The following CERS6 variants were observed in gnomAD, a reference collection of about 807,000 sequenced individuals.
The protein encoded by CERS6 is LAG1 homolog, ceramide synthase 6.
In CERS6, 26 loss-of-function variants were observed where a neutral mutation model predicts 56.8. That is an observed-to-expected ratio of 0.46 (90% CI 0.34 to 0.63). The LOEUF is 0.63. Among genes scored for constraint, CERS6 ranks in the 30% least tolerant of loss-of-function variants. The pLI, the probability that CERS6 is intolerant of heterozygous loss-of-function variation, is 0.01. For synonymous variants in CERS6, 164 were observed against 173.3 expected, an observed-to-expected ratio of 0.95 and a Z score of 0.42; for missense variants, 415 against 467.5, an observed-to-expected ratio of 0.89 and a Z score of 1.04.
intron 6 of CERS6, among the ~76,000 whole-genome samples, chr2:168,698,255 G>GAAAAAAAAAAA (rs869056813): frequency 2.2e-4 from 4 of 17,952 alleles, no homozygotes; most frequent in South Asian, 4.1e-3. Flanking sequence ...AAAAAAAAAA[G>GAAAAAAAAAAA]AAAAAAAAAA....
At chr2:168,595,929 A>G (rs1471241199) in intron 3 of CERS6, among the ~76,000 whole-genome samples, 1 of 152,084 alleles carries the variant, frequency 6.6e-6, no homozygotes, top group Non-Finnish European at 1.5e-5. Context: ...TGTAAAGGAA[A>G]GGTGCCCAAA....
chr2:168,652,632 A>G (rs1391726986), intron 4 of CERS6, among the ~76,000 whole-genome samples: 2 of 150,828 alleles, frequency 1.3e-5, no homozygotes, highest in South Asian at 4.2e-4. Flanking sequence ...ACCTTTCCTT[A>G]TATTACTTGT....
intron 1 of CERS6, among the ~76,000 whole-genome samples, chr2:168,538,241 C>CAAA (rs59857969): frequency 1.4e-4 from 14 of 98,832 alleles, no homozygotes; most frequent in African/African-American, 5.3e-4. Context: ...GTGTAAAAAC[C>CAAA]AAAAAAAAAA....
chr2:168,520,626 T>C (rs1026275576), intron 1 of CERS6, among the ~76,000 whole-genome samples: 1 of 93,230 alleles, frequency 1.1e-5, no homozygotes, highest in African/African-American at 3.9e-5. Flanking sequence ...TTTTTTTTTT[T>C]TGAGAAGCAG....
chr2:168,685,935 G>C (rs1256685606), intron 4 of CERS6, among the ~76,000 whole-genome samples: 12 of 151,488 alleles, frequency 7.9e-5, no homozygotes, highest in Admixed American at 2.0e-4. Flanking sequence ...CTGTGATATG[G>C]CCTGTCTTAG....
chr2:168,632,374 G>A (rs1414222602), intron 4 of CERS6, among the ~76,000 whole-genome samples: 1 of 152,024 alleles, frequency 6.6e-6, no homozygotes, highest in African/African-American at 2.4e-5. Flanking sequence ...TTAAAATCTG[G>A]GTTATCAAAT....
intron 3 of CERS6, among the ~76,000 whole-genome samples, chr2:168,570,242 GA>G (rs1437663532): frequency 6.6e-6 from 1 of 152,152 alleles, no homozygotes; most frequent in Non-Finnish European, 1.5e-5. Flanking sequence ...TCACGCACAA[GA>G]AAAAGATGAA....
intron 1 of CERS6, among the ~76,000 whole-genome samples, chr2:168,505,847 T>G (rs1357900730): frequency 1.3e-5 from 2 of 152,206 alleles, no homozygotes; most frequent in African/African-American, 4.8e-5. Context: ...AGGAGCTGTT[T>G]TTTGTATTTA....
rs191106658 is a variant in CERS6 at position 168,761,009 on chromosome 2, G to A, written c.846-4583G>A. Among the ~76,000 whole-genome samples the A allele has an allele frequency of 3.2e-3, 485 of 152,078 alleles. 2 individuals carry two copies. The highest frequency in any genetic ancestry group is 0.011 in the African/African-American group (452 of 41,462). On this transcript the variant is annotated intron_variant, in intron 8 of 9. Coordinates refer to ENST00000305747, the MANE Select transcript of CERS6 (RefSeq NM_203463.3). Reference sequence around the variant, plus strand: ...CCTGACCTCGTGATCCGCCCGCCTCGGCCTCCCAAAGTGCTGGGATTATAG... The same window carrying A: ...CCTGACCTCGTGATCCGCCCGCCTCAGCCTCCCAAAGTGCTGGGATTATAG...
chr2:168,468,572 A>T (rs555425971), intron 1 of CERS6, among the ~76,000 whole-genome samples: 1 of 152,330 alleles, frequency 6.6e-6, no homozygotes, highest in South Asian at 2.1e-4. Flanking sequence ...TAGCTCAGTG[A>T]AATAGTGATT....
At chr2:168,557,751 G>A (rs115418907) in intron 2 of CERS6, among the ~76,000 whole-genome samples, 189 of 152,242 alleles carry the variant, frequency 1.2e-3, no homozygotes, top group African/African-American at 4.4e-3. Context: ...GACTTCAAAT[G>A]TAGAAACTAT....
At chr2:168,664,941 C>A (rs781375180) in intron 4 of CERS6, among the ~76,000 whole-genome samples, 2 of 152,124 alleles carry the variant, frequency 1.3e-5, no homozygotes, top group South Asian at 2.1e-4. Context: ...CAGGAAGAAC[C>A]CAGGTCCCTG....
At chr2:168,544,673 G>A (rs553851547) in intron 1 of CERS6, among the ~76,000 whole-genome samples, 4 of 152,252 alleles carry the variant, frequency 2.6e-5, no homozygotes, top group East Asian at 3.9e-4. Flanking sequence ...ACTGTGGACC[G>A]GCACCAGGCC....
chr2:168,635,450 C>G (rs956709247), intron 4 of CERS6, among the ~76,000 whole-genome samples: 1 of 152,134 alleles, frequency 6.6e-6, no homozygotes, highest in Non-Finnish European at 1.5e-5. Flanking sequence ...CAGAAAGGAG[C>G]AAGTCCCATC....
intron 3 of CERS6, among the ~76,000 whole-genome samples, chr2:168,594,531 G>A (rs1683751603): frequency 6.6e-6 from 1 of 152,164 alleles, no homozygotes; most frequent in Non-Finnish European, 1.5e-5. Context: ...GTTGTGGTGA[G>A]CTGTGATCAT....
intron 4 of CERS6, among the ~76,000 whole-genome samples, chr2:168,669,875 T>G (rs1426100032): frequency 6.6e-6 from 1 of 152,228 alleles, no homozygotes; most frequent in Non-Finnish European, 1.5e-5. Context: ...CAGCAGATTT[T>G]CTTCAAAGAC....
At chr2:168,510,754 C>T (rs1694764846) in intron 1 of CERS6, among the ~76,000 whole-genome samples, 1 of 152,146 alleles carries the variant, frequency 6.6e-6, no homozygotes, top group South Asian at 2.1e-4. Flanking sequence ...ATTATCATTA[C>T]TATCATCTTG....
intron 4 of CERS6, among the ~76,000 whole-genome samples, chr2:168,676,265 A>C (rs981043924): frequency 6.6e-6 from 1 of 152,186 alleles, no homozygotes; most frequent in Non-Finnish European, 1.5e-5. Flanking sequence ...TGGACTTTTT[A>C]TACACAGTTA....
intron 8 of CERS6, among the ~76,000 whole-genome samples, chr2:168,746,113 C>T (rs978971896): frequency 1.3e-5 from 2 of 152,214 alleles, no homozygotes; most frequent in Non-Finnish European, 2.9e-5. Context: ...CTTGACCTCA[C>T]ATGCCCCTCA....
Sources: allele counts gnomAD v4.1 joint callset (sites outside exome capture counted in the v4.1 genomes callset), GRCh38; gene constraint gnomAD v4.1.1; transcripts MANE v1.5; gene names NCBI Gene and HGNC (gene_info 2026-07-23, HGNC 2026-07-21).